Variants in MGAT4C observed in about 807,000 individuals in gnomAD.
MGAT4C encodes alpha-1,3-mannosyl-glycoprotein 4-beta-N-acetylglucosaminyltransferase C.
A neutral mutation model predicts 40.1 loss-of-function variants in MGAT4C; 19 were observed. That is an observed-to-expected ratio of 0.47 (90% CI 0.33 to 0.70). The LOEUF is 0.70. MGAT4C is among the 30% of genes least tolerant of loss of function. The pLI is 0.02. For synonymous variants in MGAT4C, 181 were observed against 187.1 expected, an observed-to-expected ratio of 0.97 and a Z score of 0.27; for missense variants, 491 against 563.2, an observed-to-expected ratio of 0.87 and a Z score of 1.30.
At chr12:86,490,495 C>G (rs1477644770) in intron 2 of MGAT4C, among the ~76,000 whole-genome samples, 1 of 151,926 alleles carries the variant, frequency 6.6e-6, no homozygotes, top group Non-Finnish European at 1.5e-5. Context: ...ACCATCGAGA[C>G]TAGGAAGAAA....
chr12:85,995,692 AC>A (rs1346611746), intron 2 of MGAT4C, among the ~76,000 whole-genome samples: 3 of 152,030 alleles, frequency 2.0e-5, no homozygotes, highest in Non-Finnish European at 4.4e-5. Context: ...ACATAGTGAG[AC>A]CCCATCTTTA....
intron 2 of MGAT4C, among the ~76,000 whole-genome samples, chr12:85,992,567 G>A (rs1886081182): frequency 6.6e-6 from 1 of 152,228 alleles, no homozygotes; most frequent in African/African-American, 2.4e-5. Flanking sequence ...GCAAACTAGA[G>A]ATATTACTGG....
At chr12:86,375,103 AT>A (rs1955800028) in intron 3 of MGAT4C, among the ~76,000 whole-genome samples, 1 of 152,116 alleles carries the variant, frequency 6.6e-6, no homozygotes, top group Non-Finnish European at 1.5e-5. Context: ...CTCAATTATG[AT>A]TTCTCATGAA....
intron 2 of MGAT4C, among the ~76,000 whole-genome samples, chr12:86,665,847 T>G: frequency 6.6e-6 from 1 of 152,176 alleles, no homozygotes; most frequent in Middle Eastern, 3.2e-3. Flanking sequence ...TGACTAATTA[T>G]ACTGCCTAAA....
At chr12:86,549,205 A>C (rs1959233540) in intron 2 of MGAT4C, among the ~76,000 whole-genome samples, 1 of 152,214 alleles carries the variant, frequency 6.6e-6, no homozygotes, top group Non-Finnish European at 1.5e-5. Context: ...GAGTACTATC[A>C]TAAGATTTCT....
chr12:86,234,014 T>C (rs1425731886), intron 1 of MGAT4C, among the ~76,000 whole-genome samples: 1 of 152,142 alleles, frequency 6.6e-6, no homozygotes, highest in Non-Finnish European at 1.5e-5. Context: ...ATATTTGATA[T>C]TAATTTATTT....
chr12:86,609,195 G>A (rs1015546095), intron 2 of MGAT4C, among the ~76,000 whole-genome samples: 6 of 151,952 alleles, frequency 3.9e-5, no homozygotes, highest in South Asian at 2.1e-4. Flanking sequence ...CAAAATTATT[G>A]GGAAAATAAA....
At chr12:86,801,887 T>C (rs1476348482) in intron 1 of MGAT4C, among the ~76,000 whole-genome samples, 1 of 143,556 alleles carries the variant, frequency 7.0e-6, no homozygotes, top group Admixed American at 7.0e-5. Context: ...TATCACCTAA[T>C]GGAGTGGCAG....
chr12:86,555,602 G>C (rs1270057733), intron 2 of MGAT4C, among the ~76,000 whole-genome samples: 1 of 152,160 alleles, frequency 6.6e-6, no homozygotes. Flanking sequence ...CTCTGGAATG[G>C]AATCCTTGCT....
chr12:86,416,986 AC>A (rs1242702143), intron 3 of MGAT4C, among the ~76,000 whole-genome samples: 4 of 152,108 alleles, frequency 2.6e-5, no homozygotes, highest in African/African-American at 9.7e-5. Context: ...TTGATTTCAG[AC>A]TTTTTTTGCC....
At chr12:86,443,310 A>C (rs1241601890) in intron 2 of MGAT4C, among the ~76,000 whole-genome samples, 2 of 152,100 alleles carry the variant, frequency 1.3e-5, no homozygotes, top group African/African-American at 4.8e-5. Context: ...ATTATCCATT[A>C]ATGTGGATGT....
chr12:86,535,813 A>T (rs1959058865), intron 2 of MGAT4C, among the ~76,000 whole-genome samples: 1 of 151,476 alleles, frequency 6.6e-6, no homozygotes, highest in African/African-American at 2.4e-5. Flanking sequence ...ATCCTGGAGA[A>T]CAGTTAGTTT....
At chr12:86,169,533 C>T (rs1767359906) in intron 1 of MGAT4C, among the ~76,000 whole-genome samples, 1 of 152,156 alleles carries the variant, frequency 6.6e-6, no homozygotes, top group Non-Finnish European at 1.5e-5. Flanking sequence ...TTTTCTTGCA[C>T]AAGCAGATAC....
At chr12:86,829,599 A>G (rs1242893344) in intron 1 of MGAT4C, among the ~76,000 whole-genome samples, 1 of 151,540 alleles carries the variant, frequency 6.6e-6, no homozygotes, top group African/African-American at 2.4e-5. Context: ...AATCAAGTGT[A>G]TTCATAACTT....
chr12:86,119,039 A>G (rs1878913542), intron 1 of MGAT4C, among the ~76,000 whole-genome samples: 1 of 152,152 alleles, frequency 6.6e-6, no homozygotes, highest in Non-Finnish European at 1.5e-5. Context: ...CACATTAAAA[A>G]ATCACATTAA....
At chr12:86,733,440 C>T (rs183947848) in intron 1 of MGAT4C, among the ~76,000 whole-genome samples, 1 of 152,138 alleles carries the variant, frequency 6.6e-6, no homozygotes, top group Admixed American at 6.5e-5. Flanking sequence ...AACAAACAAA[C>T]AAACAAACAA....
chr12:86,595,737 A>T (rs2136453697), intron 2 of MGAT4C, among the ~76,000 whole-genome samples: 1 of 152,322 alleles, frequency 6.6e-6, no homozygotes, highest in East Asian at 1.9e-4. Flanking sequence ...TGCTTTGATC[A>T]AATTTTTTGA....
At chr12:86,825,967 TG>T (rs1288118054) in intron 1 of MGAT4C, among the ~76,000 whole-genome samples, 1 of 151,448 alleles carries the variant, frequency 6.6e-6, no homozygotes, top group African/African-American at 2.4e-5. Context: ...TTACTGTGAT[TG>T]GCAATAGTGC....
intron 2 of MGAT4C, among the ~76,000 whole-genome samples, chr12:86,521,597 T>A (rs2136359874): frequency 6.6e-6 from 1 of 152,038 alleles, no homozygotes; most frequent in South Asian, 2.1e-4. Context: ...TCCATATGAA[T>A]TTTTAATTTT....
Sources: gnomAD v4.1 joint callset for allele counts (sites outside exome capture counted in the v4.1 genomes callset) on GRCh38, gnomAD v4.1.1 for gene constraint, MANE v1.5 for transcripts, NCBI Gene and HGNC (gene_info 2026-07-23, HGNC 2026-07-21) for gene names.